The following PPM1K variants were observed in gnomAD, a reference collection of about 807,000 sequenced individuals.
PPM1K encodes the protein protein phosphatase, Mg2+/Mn2+ dependent 1K.
In PPM1K, 19 loss-of-function variants were observed where a neutral mutation model predicts 32.6. The ratio of observed to expected loss-of-function variants is 0.58; its 90% CI spans 0.41 to 0.86. PPM1K has a LOEUF of 0.86. Among genes scored for constraint, PPM1K ranks in the 40% least tolerant of loss-of-function variants. PPM1K has a pLI of 0.00. For missense variants in PPM1K, 362 were observed against 461.2 expected (o/e 0.78, Z 1.97); for synonymous variants, 159 against 165.3 (o/e 0.96, Z 0.29).
intron 1 of PPM1K, among the ~76,000 whole-genome samples, chr4:88,282,379 G>GA (rs1265434623): frequency 6.6e-6 from 1 of 152,074 alleles, no homozygotes; most frequent in Non-Finnish European, 1.5e-5. Context: ...TATCCCTCTA[G>GA]AAAAAATATT....
chr4:88,283,043 G>GAC lies in PPM1K; in HGVS notation c.-60+1361_-60+1362dup, dbSNP rs146112145. ...ATATTGTAACTAAGGTATTTTATCA[G>GAC]ACACACACACACGCACGTGCTGCTC... is the stretch of plus-strand genomic sequence containing the variant. On this transcript the variant is annotated intron_variant, in intron 1 of 6. Transcript: ENST00000608933. Among the ~76,000 whole-genome samples the GAC allele has an allele frequency of 6.4e-3, 980 of 152,210 alleles. 6 individuals are homozygous for GAC. The highest frequency in any genetic ancestry group is 0.022 in the African/African-American group (911 of 41,536).
intron 6 of PPM1K, among the ~76,000 whole-genome samples, chr4:88,263,721 C>G (rs78767166): frequency 0.019 from 2,935 of 152,224 alleles, 93 homozygotes; most frequent in African/African-American, 0.066. Flanking sequence ...GCTGGCATTA[C>G]AGGTCTAAGC....
chr4:88,265,021 C>T lies in PPM1K; in HGVS notation c.967G>A (p.Ala323Thr). Residue 323 changes from alanine to threonine, a missense_variant, in exon 6 of 7, where the codon GCC becomes ACC. Ala to Thr is a moderately conservative substitution (Grantham distance 58). Coordinates refer to ENST00000608933, the MANE Select transcript of PPM1K (RefSeq NM_152542.5). ...GTCACCTGTTCAGTCACCGCATGGG[C>T]TGCTTCGTTGGGATCATGGCACTGA... ...VNQCHDPNEAAHAVTEQAIQY... is the reference protein window; with the variant it reads ...VNQCHDPNEATHAVTEQAIQY... 6.2e-7 allele frequency: 1 copy of T among 1,614,140 alleles called. No homozygotes were observed. The highest frequency in any genetic ancestry group is 1.3e-5 in the African/African-American group (1 of 75,044).
chr4:88,278,211 C>G lies in PPM1K; in HGVS notation c.373G>C (p.Val125Leu). The part of the protein sequence containing the change: ...QLTDEVLYFA[V>L]YDGHGGPAAA... ...GCAGGTCCACCGTGTCCATCATACA[C>G]TGCAAAGTACAGGACCTCATCTGTC... Residue 125 changes from valine to leucine, a missense_variant, in exon 2 of 7, where the codon GTG (valine) becomes CTG (leucine). Coordinates refer to ENST00000608933, the MANE Select transcript of PPM1K (RefSeq NM_152542.5). The surrounding 1 kb of genome is among the most constrained non-coding windows in gnomAD (Gnocchi z 4.2). 6.2e-7 allele frequency: 1 copy of G among 1,614,226 alleles called. No homozygotes were observed. Among genetic ancestry groups the G allele is most frequent in the South Asian group, 1.1e-5 (1 of 91,072 alleles).
chr4:88,282,136 T>A (rs914970532), intron 1 of PPM1K, among the ~76,000 whole-genome samples: 1 of 152,192 alleles, frequency 6.6e-6, no homozygotes, highest in Non-Finnish European at 1.5e-5. Flanking sequence ...AGGGGAGATT[T>A]AGGTCAATTT....
intron 3 of PPM1K, among the ~76,000 whole-genome samples, chr4:88,272,298 C>T (rs985698321): frequency 6.6e-6 from 1 of 151,884 alleles, no homozygotes; most frequent in African/African-American, 2.4e-5. Flanking sequence ...TGTTTACAGC[C>T]CTGGTTCTTT....
intron 3 of PPM1K, chr4:88,276,351 GT>G: frequency 1.0e-6 from 1 of 985,328 alleles, no homozygotes; most frequent in Non-Finnish European, 1.2e-6. Context: ...CATTTACAAG[GT>G]TACATGCACA....
chr4:88,277,267 C>A (rs752125468), intron 2 of PPM1K, 24 bp from the exon 3 acceptor site: 2 of 1,489,104 alleles, frequency 1.3e-6, no homozygotes, highest in Non-Finnish European at 1.9e-6. Flanking sequence ...AAAAAAAGAG[C>A]CTTAAACAAT....
chr4:88,279,222 T>C (rs1231783016), intron 1 of PPM1K: 1 of 152,264 alleles, frequency 6.6e-6, no homozygotes, highest in Non-Finnish European at 1.5e-5. Flanking sequence ...AATAGAATAC[T>C]TAAAATAGTT....
chr4:88,275,288 A>T, intron 3 of PPM1K: 1 of 871,770 alleles, frequency 1.1e-6, no homozygotes, highest in Non-Finnish European at 1.4e-6. Context: ...ATTTTAGTGT[A>T]TGTGCTGCTG....
In PPM1K at chr4:88,273,111, T is replaced by A. The variant is rs564317187; in HGVS notation, c.541+4032A>T. The stretch of plus-strand genomic sequence containing the variant: ...GTAAGATAATTTGAAGTTCTTTATG[T>A]AGCTGTAACAGCTTTGGAACTGAAG... On this transcript the variant is annotated intron_variant, in intron 3 of 6. Transcript: ENST00000608933. Among the ~76,000 whole-genome samples, 5 of 152,354 alleles carry A rather than the reference T, an allele frequency of 3.3e-5. No homozygotes were observed. The South Asian group carries it at 1.0e-3, about 32-fold the overall frequency.
rs1431094730 is a variant in PPM1K, at chr4:88,261,849, C to T, written c.*746G>A. On this transcript the variant is annotated 3_prime_UTR_variant, in exon 7 of 7. Coordinates refer to ENST00000608933, the MANE Select transcript of PPM1K (RefSeq NM_152542.5). ...AGTAGCTGGGATTACAGGTGTCTGC[C>T]ACCACGCCCAGCCAATTTTTTTTTT... 1 of 148,424 alleles carries T rather than the reference C, an allele frequency of 6.7e-6. No individual in the cohort carries two copies. The highest frequency in any genetic ancestry group is 1.5e-5 in the Non-Finnish European group (1 of 67,454). The allele number at this position is 148,424 out of a possible 1,614,324, so 9.2% of individuals were successfully genotyped here. A position where few individuals can be genotyped will look rare whatever the true frequency, so the allele number is the denominator to read the frequency against.
intron 4 of PPM1K, 94 bp downstream of exon 4, chr4:88,268,647 C>A: frequency 7.8e-7 from 1 of 1,288,838 alleles, no homozygotes; most frequent in South Asian, 1.4e-5. Flanking sequence ...AACCAAGTCA[C>A]TGTTAAACTT....
Position 88,278,232 on chromosome 4 carries a change from C to G in PPM1K, c.352G>C (p.Asp118His), listed in dbSNP as rs181649252. 12 of 1,614,236 alleles carry G rather than the reference C, an allele frequency of 7.4e-6. No individual in the cohort carries two copies. In the East Asian group the frequency reaches 2.7e-4, roughly 36 times the overall value. The change falls in exon 2 of 7, where the codon GAT (aspartate) becomes CAT (histidine). Residue 118 changes from aspartate (D) to histidine (H), a missense_variant. Coordinates refer to ENST00000608933, the MANE Select transcript of PPM1K (RefSeq NM_152542.5). This position sits in a 1 kb window ranked among gnomAD's most constrained non-coding sequence, Gnocchi z 4.2. ...TACACTGCAAAGTACAGGACCTCAT[C>G]TGTCAGCTGAGCGAAGTCAAACCGA... is the stretch of plus-strand genomic sequence containing the variant. ...EDRFDFAQLT[D>H]EVLYFAVYDG...
chr4:88,280,139 C>T (rs1485911774), intron 1 of PPM1K, among the ~76,000 whole-genome samples: 1 of 152,198 alleles, frequency 6.6e-6, no homozygotes, highest in African/African-American at 2.4e-5. Flanking sequence ...TGGGTTCTCA[C>T]TTTGTTGCCC....
At chr4:88,268,995 G>A (rs1731449206) in intron 3 of PPM1K, 89 bp from the exon 4 acceptor site, 3 of 1,094,884 alleles carry the variant, frequency 2.7e-6, no homozygotes, top group Admixed American at 4.9e-5. Flanking sequence ...ACACAAGCAT[G>A]ATAAACTAAT....
chr4:88,266,322 T>C (rs1342202732), intron 5 of PPM1K, among the ~76,000 whole-genome samples: 2 of 152,098 alleles, frequency 1.3e-5, no homozygotes, highest in Admixed American at 1.3e-4. Flanking sequence ...GAAGTAGAGG[T>C]GGGCGATTAT....
intron 3 of PPM1K, chr4:88,275,899 G>A (rs751462246): frequency 1.4e-5 from 14 of 985,384 alleles, no homozygotes; most frequent in Non-Finnish European, 1.7e-5. Context: ...TAAGGGTCCA[G>A]TTGAAAGGAA....
At position 88,268,425 on chromosome 4, in the gene PPM1K, A is replaced by G. The variant is rs373538893; in HGVS notation, c.708-91T>C. On this transcript the variant is annotated intron_variant, in intron 4 of 6. Transcript: ENST00000608933. ...ATCACGAGGTCAGGAGATCGAGACC[A>G]TCCTGGCTAACACGGTGAAACCCCG... 1.3e-4 allele frequency: 191 copies of G among 1,428,834 alleles called. 1 individual carries two copies. Among genetic ancestry groups the G allele is most frequent in the Middle Eastern group, 1.2e-3 (6 of 4,908 alleles). 88.5% of individuals were successfully genotyped at this position (1,428,834 alleles called of 1,614,324 possible).
Sources: allele counts gnomAD v4.1 joint callset (sites outside exome capture counted in the v4.1 genomes callset), GRCh38; gene constraint gnomAD v4.1.1; non-coding constraint Gnocchi (gnomAD v3.1); transcripts MANE v1.5; gene names NCBI Gene and HGNC (gene_info 2026-07-23, HGNC 2026-07-21).